Variants in PARP8 observed in about 807,000 individuals in gnomAD.
The protein encoded by PARP8 is protein mono-ADP-ribosyltransferase PARP8.
A neutral mutation model predicts 124.1 loss-of-function variants in PARP8; 51 were observed. The observed-to-expected ratio is 0.41, with a 90% confidence interval of 0.33 to 0.52. The LOEUF is 0.52. PARP8 is among the 20% of genes least tolerant of loss of function. The probability of loss-of-function intolerance (pLI) is 0.21; values close to 1 mark genes in which losing one functional copy is unlikely to be tolerated. For synonymous variants in PARP8, 391 were observed against 361.5 expected (o/e 1.08, Z -0.93); for missense variants, 860 against 1,018.9 (o/e 0.84, Z 2.12).
At chr5:50,674,204 C>T (rs1750356034) in intron 2 of PARP8, among the ~76,000 whole-genome samples, 1 of 152,170 alleles carries the variant, frequency 6.6e-6, no homozygotes, top group African/African-American at 2.4e-5. Flanking sequence ...TCATTTTCAC[C>T]TCAACCCCAG....
At chr5:50,813,634 A>G (rs1310520456) in intron 14 of PARP8, among the ~76,000 whole-genome samples, 1 of 152,112 alleles carries the variant, frequency 6.6e-6, no homozygotes, top group Non-Finnish European at 1.5e-5. Flanking sequence ...ACTATGTTAA[A>G]TAGGAGTGGT....
rs527996877 is a variant in PARP8 at position 50,675,394 on chromosome 5, C to G, written c.146+7269C>G. ...ATCTTGGCTCGCTGCAACCTCCGCC[C>G]CCCGGGTTCAAACGATTCTCCCGTC... On this transcript the variant is annotated intron_variant, in intron 2 of 25. Coordinates refer to ENST00000281631, the MANE Select transcript of PARP8 (RefSeq NM_024615.4). 3.3e-5 allele frequency among the ~76,000 whole-genome samples: 5 copies of G among 152,234 alleles called. No homozygotes were observed. In the East Asian group the frequency reaches 9.7e-4, roughly 29 times the overall value.
At chr5:50,797,104 T>C in intron 13 of PARP8, 34 bp from the exon 14 acceptor site, 1 of 1,609,154 alleles carries the variant, frequency 6.2e-7, no homozygotes, top group East Asian at 2.2e-5. Context: ...TTTATGAGCT[T>C]GTCTTAATTA....
chr5:50,781,658 A>G (rs73101096), intron 9 of PARP8, among the ~76,000 whole-genome samples: 3,796 of 152,270 alleles, frequency 0.025, 156 homozygotes, highest in African/African-American at 0.087. Context: ...GACCCTCAGT[A>G]GCTTGTCCTT....
At position 50,778,557 on chromosome 5, in the gene PARP8, C is replaced by T; in HGVS notation, c.580-3C>T. 1 of 1,595,232 alleles carries T rather than the reference C, an allele frequency of 6.3e-7. No individual in the cohort carries two copies. The highest frequency in any genetic ancestry group is 1.4e-5 in the African/African-American group (1 of 74,014). ...AATTCATCTTTTAAATATATTTGTG[C>T]AGGAGGAGATTGCTGTGGCTTGGGA... On this transcript the variant is annotated splice_polypyrimidine_tract_variant and splice_region_variant and intron_variant, in intron 8 of 25. Coordinates refer to ENST00000281631, the MANE Select transcript of PARP8 (RefSeq NM_024615.4).
At chr5:50,757,934 G>T (rs1760140708) in intron 3 of PARP8, among the ~76,000 whole-genome samples, 1 of 151,976 alleles carries the variant, frequency 6.6e-6, no homozygotes, top group South Asian at 2.1e-4. Context: ...GTCTAATGGT[G>T]CCTTCTAATA....
chr5:50,729,728 C>G (rs1042977475), intron 2 of PARP8, among the ~76,000 whole-genome samples: 1 of 152,200 alleles, frequency 6.6e-6, no homozygotes, highest in Non-Finnish European at 1.5e-5. Context: ...GTTTTTCCTT[C>G]TCTTCTTTAC....
intron 7 of PARP8, among the ~76,000 whole-genome samples, chr5:50,774,926 C>A (rs371993789): frequency 1.4e-5 from 2 of 139,514 alleles, no homozygotes; most frequent in African/African-American, 5.5e-5. Flanking sequence ...CCAGATGGGG[C>A]GGCTGGGCAG....
At chr5:50,728,468 C>G (rs553141164) in intron 2 of PARP8, among the ~76,000 whole-genome samples, 313 of 152,134 alleles carry the variant, frequency 2.1e-3, no homozygotes, top group Non-Finnish European at 3.5e-3. Context: ...CAGAGTGCAA[C>G]TTAATTTGCA....
chr5:50,817,377 A>G (rs1279860460), intron 15 of PARP8, among the ~76,000 whole-genome samples: 1 of 152,202 alleles, frequency 6.6e-6, no homozygotes, highest in Non-Finnish European at 1.5e-5. Context: ...TTATTTCTTA[A>G]AACAGGTTCC....
intron 25 of PARP8, among the ~76,000 whole-genome samples, chr5:50,836,015 T>A (rs915922113): frequency 4.6e-5 from 7 of 152,170 alleles, no homozygotes; most frequent in African/African-American, 1.7e-4. Flanking sequence ...ATGGAACTGT[T>A]AAGGTTGCTT....
intron 23 of PARP8, chr5:50,833,386 G>A (rs1158136080): frequency 2.2e-6 from 1 of 451,320 alleles, no homozygotes; most frequent in East Asian, 7.0e-5. Flanking sequence ...TGGGCAGAGA[G>A]TAGAATGACC....
At chr5:50,791,511 T>A (rs1245268264) in intron 10 of PARP8, among the ~76,000 whole-genome samples, 2 of 152,182 alleles carry the variant, frequency 1.3e-5, no homozygotes, top group Non-Finnish European at 2.9e-5. Context: ...AATATGTGTT[T>A]GGCATTGAAT....
At chr5:50,685,333 A>T (rs1216826054) in intron 2 of PARP8, among the ~76,000 whole-genome samples, 4 of 152,224 alleles carry the variant, frequency 2.6e-5, no homozygotes, top group African/African-American at 9.6e-5. Context: ...GGGCCTAACA[A>T]TGTCTTCAAG....
chr5:50,839,071 C>T (rs1167749670), intron 25 of PARP8, among the ~76,000 whole-genome samples: 2 of 151,984 alleles, frequency 1.3e-5, no homozygotes, highest in Non-Finnish European at 2.9e-5. Flanking sequence ...AAGTGATCCT[C>T]CCACCAAGTT....
chr5:50,721,108 G>A (rs980980522), intron 2 of PARP8, among the ~76,000 whole-genome samples: 3 of 151,478 alleles, frequency 2.0e-5, no homozygotes, highest in Admixed American at 6.6e-5. Flanking sequence ...CCTTCCTTAG[G>A]GGGTGTGTAT....
chr5:50,818,936 G>T (rs1745433536), intron 15 of PARP8, among the ~76,000 whole-genome samples: 1 of 152,142 alleles, frequency 6.6e-6, no homozygotes, highest in Non-Finnish European at 1.5e-5. Flanking sequence ...CGATCATGTG[G>T]CCCTGCTGTC....
chr5:50,762,428 C>A (rs905872951), intron 6 of PARP8, among the ~76,000 whole-genome samples: 2 of 151,928 alleles, frequency 1.3e-5, no homozygotes, highest in African/African-American at 4.8e-5. Context: ...TAAAAGAACT[C>A]ATCAGAATTT....
chr5:50,776,629 G>A (rs1740061291), intron 7 of PARP8, among the ~76,000 whole-genome samples: 1 of 152,102 alleles, frequency 6.6e-6, no homozygotes, highest in Non-Finnish European at 1.5e-5. Context: ...TTTTAAAGGA[G>A]AGAATGGAGA....
Sources: allele counts gnomAD v4.1 joint callset (sites outside exome capture counted in the v4.1 genomes callset), GRCh38; gene constraint gnomAD v4.1.1; transcripts MANE v1.5; gene names NCBI Gene and HGNC (gene_info 2026-07-23, HGNC 2026-07-21).